Variants in PPP2R2B observed in about 807,000 individuals in gnomAD.
PPP2R2B encodes the protein protein phosphatase 2 regulatory subunit Bbeta.
Under a neutral mutation model 46.0 loss-of-function variants are expected in PPP2R2B, and 5 were observed. That is an observed-to-expected ratio of 0.11 (90% CI 0.06 to 0.23). The LOEUF is 0.23. PPP2R2B is among the 10% of genes least tolerant of loss of function. The pLI is 1.00. For missense variants in PPP2R2B, 367 were observed against 575.0 expected, an observed-to-expected ratio of 0.64 and a Z score of 3.70; for synonymous variants, 215 against 206.7, an observed-to-expected ratio of 1.04 and a Z score of -0.34.
At chr5:146,814,783 A>G (rs568770033) in intron 2 of PPP2R2B, among the ~76,000 whole-genome samples, 7 of 152,334 alleles carry the variant, frequency 4.6e-5, no homozygotes, top group African/African-American at 1.7e-4. Flanking sequence ...AGGAAAGAAC[A>G]TAAGACCCCA....
Position 146,697,994 on chromosome 5 carries a change from G to A in PPP2R2B, c.319C>T (p.Leu107Phe), listed in dbSNP as rs1231043577. 1.9e-6 allele frequency: 3 copies of A among 1,611,478 alleles called. No individual in the cohort carries two copies. The highest frequency in any genetic ancestry group is 2.5e-6 in the Non-Finnish European group (3 of 1,179,106). The change falls in exon 4 of 10, where the codon CTT (leucine) becomes TTT (phenylalanine). Residue 107 changes from leucine to phenylalanine, a missense_variant. By Grantham distance (22) the Leu-to-Phe change is conservative. Around this residue, in one of 2 missense-constraint regions of PPP2R2B, gnomAD observed 361 missense variants for 545.5 expected, o/e 0.66. Transcript: ENST00000394411. ...WLPQQNAAYF[L>F]LSTNDKTVKL... Reference sequence around the variant, plus strand: ...TTCCACCTACCATTAGTAGACAGAAGAAAGTAAGCTGCATTCTGCTGGGGG... The same window carrying A: ...TTCCACCTACCATTAGTAGACAGAAAAAAGTAAGCTGCATTCTGCTGGGGG...
At chr5:146,817,423 T>G (rs1199891833) in intron 2 of PPP2R2B, among the ~76,000 whole-genome samples, 1 of 152,234 alleles carries the variant, frequency 6.6e-6, no homozygotes, top group East Asian at 1.9e-4. Context: ...TGTATTTATA[T>G]GCAAATAAAT....
At chr5:146,739,548 G>C (rs182148593) in intron 2 of PPP2R2B, among the ~76,000 whole-genome samples, 1 of 152,258 alleles carries the variant, frequency 6.6e-6, no homozygotes, top group East Asian at 1.9e-4. Flanking sequence ...GCCAGGGCTG[G>C]GCAAAGGAAG....
intron 1 of PPP2R2B, among the ~76,000 whole-genome samples, chr5:147,013,091 C>T (rs976131449): frequency 2.3e-4 from 35 of 150,020 alleles, no homozygotes; most frequent in Non-Finnish European, 4.6e-4. Context: ...ACACCAACAA[C>T]AGACAAACAG....
At chr5:146,786,815 G>A (rs161036) in intron 2 of PPP2R2B, among the ~76,000 whole-genome samples, 115,442 of 152,096 alleles carry the variant, frequency 0.76, 44,269 homozygotes, top group East Asian at 0.89. Context: ...AGAGAAAGAT[G>A]AAGTTGCCTG....
chr5:146,937,272 G>C (rs1764181809), intron 1 of PPP2R2B, among the ~76,000 whole-genome samples: 3 of 151,434 alleles, frequency 2.0e-5, no homozygotes, highest in Admixed American at 2.0e-4. Context: ...TTGCACTCCA[G>C]CCTGGGTGAC....
chr5:146,841,872 GT>G (rs1759670542), intron 2 of PPP2R2B, among the ~76,000 whole-genome samples: 1 of 152,124 alleles, frequency 6.6e-6, no homozygotes, highest in South Asian at 2.1e-4. Flanking sequence ...CATGGCACAT[GT>G]ATACCTATGT....
At chr5:147,016,608 A>G (rs1755019711) in intron 1 of PPP2R2B, among the ~76,000 whole-genome samples, 1 of 14,206 alleles carries the variant, frequency 7.0e-5, no homozygotes, top group African/African-American at 5.0e-4. Context: ...TAGTGAGGAA[A>G]ATAGAAGCAA....
intron 5 of PPP2R2B, among the ~76,000 whole-genome samples, chr5:146,655,726 C>G (rs987462059): frequency 2.0e-5 from 3 of 152,156 alleles, no homozygotes; most frequent in African/African-American, 7.2e-5. Context: ...GGGAGGCAGA[C>G]AAGTAAATAG....
At chr5:146,885,826 T>C (rs1490934500) in intron 1 of PPP2R2B, among the ~76,000 whole-genome samples, 1 of 152,140 alleles carries the variant, frequency 6.6e-6, no homozygotes, top group Non-Finnish European at 1.5e-5. Context: ...TGCCACAACA[T>C]AGATGAAACT....
intron 5 of PPP2R2B, among the ~76,000 whole-genome samples, chr5:146,673,653 A>G (rs1777517356): frequency 6.6e-6 from 1 of 152,148 alleles, no homozygotes; most frequent in Non-Finnish European, 1.5e-5. Flanking sequence ...CTTGACTTTA[A>G]CAGCTTTCCA....
At chr5:146,982,391 T>C (rs1363010054) in intron 1 of PPP2R2B, among the ~76,000 whole-genome samples, 3 of 152,156 alleles carry the variant, frequency 2.0e-5, no homozygotes, top group Non-Finnish European at 4.4e-5. Flanking sequence ...TGTAACTCCA[T>C]TTTGGCCAGA....
At position 146,583,064 on chromosome 5, in the gene PPP2R2B, G is replaced by T. The variant is rs1171231207; in HGVS notation, c.*6883C>A. On this transcript the variant is annotated 3_prime_UTR_variant, in exon 10 of 10. Coordinates refer to ENST00000394411, the MANE Select transcript of PPP2R2B (RefSeq NM_181675.4). ...TACTAATCAGTCATACCAGAGTGTT[G>T]TGAATTCCATATATATATAGCATAT... 1 of 152,094 alleles carries T rather than the reference G, an allele frequency of 6.6e-6. No individual in the cohort carries two copies. Among genetic ancestry groups the T allele is most frequent in the Non-Finnish European group, 1.5e-5 (1 of 68,000 alleles). The allele number at this position is 152,094 out of a possible 1,614,324, so 9.4% of individuals were successfully genotyped here.
chr5:146,996,369 G>C (rs1358082353), intron 1 of PPP2R2B, among the ~76,000 whole-genome samples: 1 of 152,120 alleles, frequency 6.6e-6, no homozygotes, highest in Admixed American at 6.5e-5. Context: ...TAGATAATTA[G>C]GTTCTTCTAA....
Position 146,600,435 on chromosome 5 carries a change from G to T in PPP2R2B, c.816C>A (p.Ser272Arg). The T allele has an allele frequency of 6.2e-7, 1 of 1,613,806 alleles. No homozygotes were observed. Among genetic ancestry groups the T allele is most frequent in the Non-Finnish European group, 8.5e-7 (1 of 1,179,872 alleles). Reference sequence around the variant, plus strand: ...TAATTTCAGAGAAAAATGATCTGTTGCTTGGATCTTCCGGCTCTTCAAAAA... The same window carrying T: ...TAATTTCAGAGAAAAATGATCTGTTTCTTGGATCTTCCGGCTCTTCAAAAA... ...TKFFEEPEDPSNRSFFSEIIS... is the reference protein window; with the variant it reads ...TKFFEEPEDPRNRSFFSEIIS... The change falls in exon 8 of 10, where the codon AGC (serine) becomes AGA (arginine). Residue 272 changes from serine (S) to arginine (R), a missense_variant. Ser to Arg is a moderately radical substitution (Grantham distance 110). Coordinates refer to ENST00000394411, the MANE Select transcript of PPP2R2B (RefSeq NM_181675.4).
At chr5:147,011,315 C>G (rs980062346) in intron 1 of PPP2R2B, among the ~76,000 whole-genome samples, 35 of 152,096 alleles carry the variant, frequency 2.3e-4, no homozygotes, top group Non-Finnish European at 1.0e-4. Context: ...CCCATCCCTA[C>G]ATAGGAGCTT....
chr5:146,947,344 A>G (rs1221615650), intron 1 of PPP2R2B, among the ~76,000 whole-genome samples: 2 of 152,180 alleles, frequency 1.3e-5, no homozygotes, highest in East Asian at 1.9e-4. Flanking sequence ...TATGTGGTTT[A>G]GACATCTGTG....
intron 1 of PPP2R2B, among the ~76,000 whole-genome samples, chr5:147,037,463 TATATATGTATCAATATATACATAAATAC>T (rs1756096432): frequency 6.6e-6 from 1 of 151,964 alleles, no homozygotes; most frequent in Non-Finnish European, 1.5e-5. Flanking sequence ...ATTATAAATA[TATATATGTATCAATATATACATAAATAC>T]ATTTATGTAT....
At chr5:147,023,721 G>T (rs145760232) in intron 1 of PPP2R2B, among the ~76,000 whole-genome samples, 16 of 152,110 alleles carry the variant, frequency 1.1e-4, no homozygotes, top group African/African-American at 3.6e-4. Flanking sequence ...ATTTCTGAGT[G>T]TGTCTGCAAG....
Sources: gnomAD v4.1 joint callset for allele counts (sites outside exome capture counted in the v4.1 genomes callset) on GRCh38, gnomAD v4.1.1 for gene constraint, gnomAD v4.1.1 regional missense constraint, MANE v1.5 for transcripts, NCBI Gene and HGNC (gene_info 2026-07-23, HGNC 2026-07-21) for gene names.